CDC27: variants seen among roughly 807,000 people sequenced by gnomAD.
The protein encoded by CDC27 is cell division cycle 27.
CDC27 carries 27 observed loss-of-function variants against 109.7 expected under a neutral mutation model. The observed-to-expected ratio is 0.25, with a 90% CI of 0.18 to 0.34. The LOEUF is 0.34. CDC27 is among the 10% of genes least tolerant of loss of function. The probability of loss-of-function intolerance (pLI) is 1.00; values close to 1 mark genes in which losing one functional copy is unlikely to be tolerated. For synonymous variants in CDC27, 266 were observed against 333.9 expected (o/e 0.80, Z 2.22); for missense variants, 579 against 960.2 (o/e 0.60, Z 5.25).
intron 15 of CDC27, among the ~76,000 whole-genome samples, chr17:47,130,297 T>G (rs966888684): frequency 6.6e-6 from 1 of 151,822 alleles, no homozygotes; most frequent in East Asian, 1.9e-4. Context: ...GAGGCAGAGG[T>G]TGCAGTGAGC....
chr17:47,170,200 G>T, intron 3 of CDC27, 158 bp from the exon 4 acceptor site: 1 of 490,266 alleles, frequency 2.0e-6, no homozygotes, highest in Non-Finnish European at 3.5e-6. Context: ...CCCTCTCTCT[G>T]TCTTCCTTTC....
intron 14 of CDC27, among the ~76,000 whole-genome samples, chr17:47,134,327 C>A (rs1334588113): frequency 6.8e-6 from 1 of 147,434 alleles, no homozygotes; most frequent in Non-Finnish European, 1.5e-5. Flanking sequence ...TTTTTTAATT[C>A]AACGTCTTGC....
At chr17:47,149,725 C>T (rs987849665) in intron 9 of CDC27, among the ~76,000 whole-genome samples, 8 of 151,924 alleles carry the variant, frequency 5.3e-5, no homozygotes, top group Admixed American at 2.6e-4. Context: ...GAGGCTGAGG[C>T]GGGTGGATCA....
At chr17:47,159,976 G>T (rs1302555442) in intron 4 of CDC27, 1 of 278,350 alleles carries the variant, frequency 3.6e-6, no homozygotes, top group Non-Finnish European at 6.8e-6. Context: ...CCCAGCCCTG[G>T]ATGCCACTGC....
chr17:47,135,407 A>T (rs1487361721), intron 14 of CDC27, among the ~76,000 whole-genome samples: 1 of 150,542 alleles, frequency 6.6e-6, no homozygotes, highest in African/African-American at 2.4e-5. Context: ...GGCCATAACT[A>T]GATGATGATG....
intron 4 of CDC27, among the ~76,000 whole-genome samples, chr17:47,168,688 T>C (rs971121689): frequency 2.0e-5 from 3 of 152,184 alleles, no homozygotes; most frequent in African/African-American, 7.2e-5. Flanking sequence ...ATATTGATAT[T>C]ATGTCTTTGC....
chr17:47,151,517 C>T (rs1350881422), intron 9 of CDC27, among the ~76,000 whole-genome samples: 1 of 152,134 alleles, frequency 6.6e-6, no homozygotes, highest in Non-Finnish European at 1.5e-5. Flanking sequence ...TGAAACCTAT[C>T]TGTACCTAAA....
At chr17:47,140,475 C>T (rs2062761556) in intron 12 of CDC27, among the ~76,000 whole-genome samples, 1 of 152,040 alleles carries the variant, frequency 6.6e-6, no homozygotes, top group African/African-American at 2.4e-5. Flanking sequence ...TAGGTAGGTA[C>T]CTTTTGGTTT....
chr17:47,182,170 C>T (rs2064268137), intron 1 of CDC27, among the ~76,000 whole-genome samples: 1 of 152,232 alleles, frequency 6.6e-6, no homozygotes, highest in Non-Finnish European at 1.5e-5. Context: ...CCCACAAAAA[C>T]TTCCCTATCT....
At chr17:47,124,472 CG>C (rs2148795435) in intron 16 of CDC27, among the ~76,000 whole-genome samples, 1 of 152,094 alleles carries the variant, frequency 6.6e-6, no homozygotes, top group South Asian at 2.1e-4. Context: ...TTAGTAGAGA[CG>C]GGGTTTCACC....
chr17:47,177,780 T>C (rs761708467), intron 2 of CDC27, among the ~76,000 whole-genome samples: 1 of 152,104 alleles, frequency 6.6e-6, no homozygotes, highest in Non-Finnish European at 1.5e-5. Flanking sequence ...TAGGTAGCAA[T>C]TACTTATGAA....
At chr17:47,178,451 T>C (rs2047930281) in intron 2 of CDC27, among the ~76,000 whole-genome samples, 1 of 151,160 alleles carries the variant, frequency 6.6e-6, no homozygotes, top group Non-Finnish European at 1.5e-5. Context: ...GGGAGGATTG[T>C]TTGGGCCTGG....
chr17:47,133,028 T>TAC (rs71138587), intron 14 of CDC27, among the ~76,000 whole-genome samples: 758 of 29,672 alleles, frequency 0.026, 23 homozygotes, highest in Admixed American at 0.034. Flanking sequence ...TATATATATA[T>TAC]ACACACACAC....
At chr17:47,188,844 C>A in intron 1 of CDC27, 1 of 1,283,216 alleles carries the variant, frequency 7.8e-7, no homozygotes, top group Non-Finnish European at 9.9e-7. Flanking sequence ...CATCTCCCAC[C>A]CCCAGTCAAG....
rs149765071 is a variant in CDC27 at position 47,134,480 on chromosome 17, T to G, written c.1914-2106A>C. ...TACACCACCATGCCTAATTGTTTTT[T>G]TTTTGTTTTGTTTTGTTTTGTTTTG... On this transcript the variant is annotated intron_variant, in intron 14 of 18. Coordinates refer to ENST00000066544, the MANE Select transcript of CDC27 (RefSeq NM_001256.6). Among the ~76,000 whole-genome samples the G allele has an allele frequency of 1.8e-3, 278 of 151,552 alleles. 2 individuals are homozygous for G. The highest frequency in any genetic ancestry group is 4.1e-3 in the African/African-American group (170 of 41,032).
intron 4 of CDC27, among the ~76,000 whole-genome samples, chr17:47,158,714 G>A (rs576558053): frequency 1.3e-5 from 2 of 150,958 alleles, no homozygotes; most frequent in African/African-American, 2.4e-5. Flanking sequence ...TACTTCCTAC[G>A]CTAAAGCCAT....
rs574421070 is a variant in CDC27, at chr17:47,125,689, G to A, written c.2161-1729C>T. 2.3e-4 allele frequency among the ~76,000 whole-genome samples: 35 copies of A among 150,980 alleles called. No homozygotes were observed. In the South Asian group the frequency reaches 3.4e-3, roughly 15 times the overall value. On this transcript the variant is annotated intron_variant, in intron 16 of 18. Transcript: ENST00000066544. ...CTCCCAAGTAGCTGTGATTACAGGC[G>A]CCCGCCACCATGCCTGGCTAATTTT...
At chr17:47,136,843 G>C (rs910858103) in intron 14 of CDC27, among the ~76,000 whole-genome samples, 2 of 151,932 alleles carry the variant, frequency 1.3e-5, no homozygotes, top group Non-Finnish European at 2.9e-5. Flanking sequence ...TTCGGTGTTC[G>C]AAGAAAAAGC....
chr17:47,119,764 A>ATTCT lies in CDC27; in HGVS notation c.*1170_*1171insAGAA, dbSNP rs1307133620. ...CAATCTATATTATGACAAACTCAGA[A>ATTCT]GAGAACCTATCTCCTTCATAAGAAT... On this transcript the variant is annotated 3_prime_UTR_variant, in exon 19 of 19. Transcript: ENST00000066544. The ATTCT allele has an allele frequency of 2.0e-5, 3 of 152,222 alleles. No individual in the cohort carries two copies. The highest frequency in any genetic ancestry group is 2.9e-5 in the Non-Finnish European group (2 of 68,028). 9.4% of individuals were successfully genotyped at this position (152,222 alleles called of 1,614,324 possible). A position where few individuals can be genotyped will look rare whatever the true frequency, so the allele number is the denominator to read the frequency against.
Sources: allele counts gnomAD v4.1 joint callset (sites outside exome capture counted in the v4.1 genomes callset), GRCh38; gene constraint gnomAD v4.1.1; transcripts MANE v1.5; gene names NCBI Gene and HGNC (gene_info 2026-07-23, HGNC 2026-07-21).